CYB5R4: variants seen among roughly 807,000 people sequenced by gnomAD.
The protein encoded by CYB5R4 is cytochrome b5 reductase 4.
CYB5R4 carries 55 observed loss-of-function variants against 70.2 expected under a neutral mutation model. The observed-to-expected ratio is 0.78, with a 90% CI of 0.63 to 0.98. CYB5R4 has a LOEUF of 0.98. CYB5R4 is among the 50% of genes least tolerant of loss of function. The pLI is 0.00. For missense variants in CYB5R4, 562 were observed against 612.6 expected (o/e 0.92, Z 0.87); for synonymous variants, 197 against 199.5 (o/e 0.99, Z 0.11).
At chr6:83,881,005 T>C (rs565765021) in intron 2 of CYB5R4, among the ~76,000 whole-genome samples, 1 of 152,288 alleles carries the variant, frequency 6.6e-6, no homozygotes, top group South Asian at 2.1e-4. Flanking sequence ...GTTCATTCTA[T>C]TTCCTCACTT....
chr6:83,914,275 T>G (rs1588574526), intron 4 of CYB5R4, 141 bp from the exon 5 acceptor site: 8 of 820,006 alleles, frequency 9.8e-6, no homozygotes, highest in South Asian at 3.8e-5. Context: ...GTTTCTATAT[T>G]GGCCTGTTTC....
intron 8 of CYB5R4, among the ~76,000 whole-genome samples, chr6:83,922,001 A>T (rs962142569): frequency 4.6e-5 from 7 of 152,164 alleles, no homozygotes; most frequent in South Asian, 2.1e-4. Context: ...AACTGAATGG[A>T]TAGTCAACTT....
At chr6:83,897,051 C>T (rs2099462024) in intron 3 of CYB5R4, among the ~76,000 whole-genome samples, 1 of 144,678 alleles carries the variant, frequency 6.9e-6, no homozygotes, top group African/African-American at 2.7e-5. Flanking sequence ...CTAATGCTAT[C>T]CCTCCCCCGT....
At chr6:83,917,392 G>A (rs1562838591) in intron 5 of CYB5R4, among the ~76,000 whole-genome samples, 1 of 152,016 alleles carries the variant, frequency 6.6e-6, no homozygotes, top group Non-Finnish European at 1.5e-5. Context: ...GTAGATATGT[G>A]TTCTTTAAGA....
rs376660297 is a variant in CYB5R4, at chr6:83,950,899, T to C, written c.1347-4399T>C. 2.6e-5 allele frequency among the ~76,000 whole-genome samples: 4 copies of C among 152,296 alleles called. No homozygotes were observed. The East Asian group carries it at 5.8e-4, about 22-fold the overall frequency. Reference sequence around the variant, plus strand: ...ATTTTTATAACTACATTTCTACTCATTGTATTGTGTGTTTTTTACATAAAG... The same window carrying C: ...ATTTTTATAACTACATTTCTACTCACTGTATTGTGTGTTTTTTACATAAAG... On this transcript the variant is annotated intron_variant, in intron 14 of 15. Coordinates refer to ENST00000369681, the MANE Select transcript of CYB5R4 (RefSeq NM_016230.4).
intron 15 of CYB5R4, among the ~76,000 whole-genome samples, chr6:83,956,054 C>G (rs2099472382): frequency 6.6e-6 from 1 of 152,122 alleles, no homozygotes; most frequent in Admixed American, 6.6e-5. Context: ...AATATAGCCC[C>G]TATTGGATTT....
chr6:83,879,181 G>C (rs976329054), intron 2 of CYB5R4, among the ~76,000 whole-genome samples: 1 of 151,948 alleles, frequency 6.6e-6, no homozygotes, highest in African/African-American at 2.4e-5. Flanking sequence ...ACTCAATGCA[G>C]CATCTAGAAT....
intron 15 of CYB5R4, 94 bp downstream of exon 15, chr6:83,955,556 C>A: frequency 8.5e-7 from 1 of 1,180,458 alleles, no homozygotes; most frequent in Non-Finnish European, 1.2e-6. Flanking sequence ...TTATATGAAA[C>A]TGCACTTTAA....
chr6:83,931,274 T>G (rs2099468100), intron 10 of CYB5R4, among the ~76,000 whole-genome samples: 1 of 152,230 alleles, frequency 6.6e-6, no homozygotes, highest in Non-Finnish European at 1.5e-5. Context: ...CTTTTCCAGC[T>G]GCCCTGAGAT....
chr6:83,915,276 T>C (rs2129138976), intron 5 of CYB5R4, among the ~76,000 whole-genome samples: 1 of 152,332 alleles, frequency 6.6e-6, no homozygotes, highest in East Asian at 1.9e-4. Context: ...GAAACATTTT[T>C]TTCTTTCATT....
At chr6:83,900,164 G>C (rs184121779) in intron 3 of CYB5R4, among the ~76,000 whole-genome samples, 81 of 152,210 alleles carry the variant, frequency 5.3e-4, no homozygotes, top group African/African-American at 1.9e-3. Context: ...CTGGTATGTT[G>C]TGTCTTTGTT....
At chr6:83,905,136 C>A (rs2099463562) in intron 3 of CYB5R4, among the ~76,000 whole-genome samples, 1 of 152,138 alleles carries the variant, frequency 6.6e-6, no homozygotes, top group Non-Finnish European at 1.5e-5. Flanking sequence ...CTCACTGCAA[C>A]CTCCGCGTCC....
chr6:83,921,280 C>A, intron 8 of CYB5R4, 105 bp downstream of exon 8: 1 of 1,044,774 alleles, frequency 9.6e-7, no homozygotes, highest in South Asian at 1.8e-5. Context: ...CTGCTGTTAC[C>A]ATTTTGGTTT....
chr6:83,917,495 G>C (rs2099465704), intron 5 of CYB5R4, among the ~76,000 whole-genome samples: 1 of 152,100 alleles, frequency 6.6e-6, no homozygotes, highest in Non-Finnish European at 1.5e-5. Flanking sequence ...ACAGGAGAAT[G>C]AATAAATTGT....
intron 15 of CYB5R4, among the ~76,000 whole-genome samples, chr6:83,959,335 G>A (rs1588590047): frequency 6.6e-6 from 1 of 152,090 alleles, no homozygotes; most frequent in African/African-American, 2.4e-5. Context: ...GTCTGATCAA[G>A]CCTCTAGATC....
intron 2 of CYB5R4, among the ~76,000 whole-genome samples, chr6:83,886,006 C>T (rs527886300): frequency 1.7e-3 from 265 of 152,230 alleles, no homozygotes; most frequent in Non-Finnish European, 3.1e-3. Flanking sequence ...CTGCTTATAA[C>T]GGAATACCTG....
intron 2 of CYB5R4, among the ~76,000 whole-genome samples, chr6:83,883,952 A>G (rs2129132154): frequency 6.6e-6 from 1 of 152,150 alleles, no homozygotes; most frequent in Non-Finnish European, 1.5e-5. Context: ...TTAAAAAATA[A>G]TTTAAAGAGG....
intron 2 of CYB5R4, among the ~76,000 whole-genome samples, chr6:83,876,986 C>T (rs2099458661): frequency 6.6e-6 from 1 of 152,012 alleles, no homozygotes; most frequent in African/African-American, 2.4e-5. Flanking sequence ...CGTGTGCTAC[C>T]ACACCTGGCT....
rs2099455641 is a variant in CYB5R4, at chr6:83,859,731, C to T, written c.-52C>T. 2.5e-6 allele frequency: 4 copies of T among 1,590,522 alleles called. No individual in the cohort carries two copies. The highest frequency in any genetic ancestry group is 2.7e-5 in the African/African-American group (2 of 74,580). On this transcript the variant is annotated 5_prime_UTR_variant, in exon 1 of 16. Coordinates refer to ENST00000369681, the MANE Select transcript of CYB5R4 (RefSeq NM_016230.4). Reference sequence around the variant, plus strand: ...GGCCACAGAGCCGGAGCTGGAGGTGCTGTCCCGTCTGGCGGCGATCCCCGG... The same window carrying T: ...GGCCACAGAGCCGGAGCTGGAGGTGTTGTCCCGTCTGGCGGCGATCCCCGG...
Sources: gnomAD v4.1 joint callset for allele counts (sites outside exome capture counted in the v4.1 genomes callset) on GRCh38, gnomAD v4.1.1 for gene constraint, MANE v1.5 for transcripts, NCBI Gene and HGNC (gene_info 2026-07-23, HGNC 2026-07-21) for gene names.